ZNF564: variants seen among roughly 807,000 people sequenced by gnomAD.
The protein encoded by ZNF564 is zinc finger protein 564.
Under a neutral mutation model 10.5 loss-of-function variants are expected in ZNF564, and 5 were observed. The observed-to-expected ratio is 0.48, with a 90% CI of 0.25 to 1.00. The LOEUF (loss-of-function observed/expected upper bound fraction) is 1.00. Among genes scored for constraint, ZNF564 ranks in the 50% least tolerant of loss-of-function variants. The pLI is 0.16. For synonymous variants in ZNF564, 242 were observed against 218.1 expected, an observed-to-expected ratio of 1.11 and a Z score of -0.97; for missense variants, 603 against 669.7, an observed-to-expected ratio of 0.90 and a Z score of 1.10.
chr19:12,528,794 TG>T, intron 1 of ZNF564, 98 bp from the exon 2 acceptor site: 1 of 1,380,870 alleles, frequency 7.2e-7, no homozygotes, highest in Non-Finnish European at 9.8e-7. Context: ...CTAGGTGTGG[TG>T]GCTCATGCCT....
chr19:12,537,738 CAAAAAAAAA>C (rs56173239), intron 1 of ZNF564, among the ~76,000 whole-genome samples: 1 of 114,558 alleles, frequency 8.7e-6, no homozygotes, highest in African/African-American at 3.8e-5. Context: ...AACTCCGTCT[CAAAAAAAAA>C]AAAAAAGAAA....
chr19:12,535,534 A>G (rs2021890469), intron 1 of ZNF564, among the ~76,000 whole-genome samples: 1 of 152,182 alleles, frequency 6.6e-6, no homozygotes, highest in Non-Finnish European at 1.5e-5. Context: ...GGGCAGATGA[A>G]TGAATGTGTA....
At chr19:12,535,358 G>A (rs1568263789) in intron 1 of ZNF564, among the ~76,000 whole-genome samples, 2 of 152,162 alleles carry the variant, frequency 1.3e-5, no homozygotes, top group Admixed American at 1.3e-4. Flanking sequence ...GGGTGACAGA[G>A]TGAGACTCCG....
At chr19:12,550,049 T>C (rs1004700463) in intron 1 of ZNF564, among the ~76,000 whole-genome samples, 6 of 151,736 alleles carry the variant, frequency 4.0e-5, no homozygotes, top group African/African-American at 1.5e-4. Context: ...TCCCAGCACT[T>C]TGGGAGGCCG....
intron 1 of ZNF564, among the ~76,000 whole-genome samples, chr19:12,535,998 C>T (rs940793242): frequency 7.5e-6 from 1 of 133,328 alleles, no homozygotes; most frequent in Non-Finnish European, 1.6e-5. Flanking sequence ...GGCGACAGAG[C>T]GTGACTCCGT....
rs371041095 is a variant in ZNF564, at chr19:12,527,122, C to A, written c.986G>T (p.Arg329Ile). The A allele has an allele frequency of 1.9e-5, 30 of 1,613,924 alleles. No individual in the cohort carries two copies. Among genetic ancestry groups the A allele is most frequent in the Non-Finnish European group, 2.5e-5 (30 of 1,179,930 alleles). Residue 329 changes from arginine to isoleucine, a missense_variant, in exon 4 of 4, where the codon AGA (arginine) becomes ATA (isoleucine). Physicochemically the swap from Arg to Ile is moderately conservative, Grantham distance 97. Transcript: ENST00000339282. ...ATAGGGTTTCTCCCCAGTATGAGTT[C>A]TTTCATGCTTTCGAACATAACTGGG... ...IFPSYVRKHE[R>I]THTGEKPYEC...
At chr19:12,547,029 T>A (rs1351042105) in intron 1 of ZNF564, among the ~76,000 whole-genome samples, 1 of 152,108 alleles carries the variant, frequency 6.6e-6, no homozygotes, top group Non-Finnish European at 1.5e-5. Flanking sequence ...CTCCCACCTA[T>A]TCCTAATCTT....
chr19:12,540,600 A>G (rs1272946584), intron 1 of ZNF564, among the ~76,000 whole-genome samples: 2 of 152,158 alleles, frequency 1.3e-5, no homozygotes, highest in East Asian at 3.9e-4. Flanking sequence ...CATGCCTGTA[A>G]TCCCAGCACT....
intron 1 of ZNF564, among the ~76,000 whole-genome samples, chr19:12,534,233 A>G (rs1236122336): frequency 2.0e-5 from 3 of 152,234 alleles, no homozygotes; most frequent in African/African-American, 7.2e-5. Context: ...AATAAAAAGT[A>G]TATCGATTTA....
chr19:12,538,850 G>C (rs1214156122), intron 1 of ZNF564, among the ~76,000 whole-genome samples: 4 of 151,964 alleles, frequency 2.6e-5, no homozygotes. Context: ...AATGTTATTG[G>C]TTTGCCAATT....
intron 1 of ZNF564, among the ~76,000 whole-genome samples, chr19:12,534,401 TAA>T (rs1326796105): frequency 6.6e-6 from 1 of 152,170 alleles, no homozygotes; most frequent in African/African-American, 2.4e-5. Context: ...GGCTAAAATT[TAA>T]AACACTGAGA....
At chr19:12,527,960 A>G in intron 3 of ZNF564, 44 bp from the exon 4 acceptor site, 1 of 1,526,424 alleles carries the variant, frequency 6.6e-7, no homozygotes, top group Non-Finnish European at 8.8e-7. Context: ...GTGACTTTAT[A>G]TTTATTAATA....
intron 1 of ZNF564, among the ~76,000 whole-genome samples, chr19:12,532,326 G>C (rs1024418300): frequency 6.6e-6 from 1 of 151,376 alleles, no homozygotes; most frequent in Non-Finnish European, 1.5e-5. Context: ...ACGAGGTCAG[G>C]AGATTGAGAC....
chr19:12,547,559 T>A (rs2022177096), intron 1 of ZNF564, among the ~76,000 whole-genome samples: 1 of 152,176 alleles, frequency 6.6e-6, no homozygotes, highest in Non-Finnish European at 1.5e-5. Flanking sequence ...TATTACAACC[T>A]CAGACAGGGT....
intron 1 of ZNF564, chr19:12,541,402 T>G (rs1340923863): frequency 1.3e-5 from 2 of 151,618 alleles, no homozygotes; most frequent in Non-Finnish European, 2.9e-5. Context: ...ACAAAAAAAT[T>G]AGCTCGGCGT....
intron 1 of ZNF564, among the ~76,000 whole-genome samples, chr19:12,544,785 T>C (rs540960703): frequency 7.9e-5 from 12 of 152,236 alleles, no homozygotes; most frequent in South Asian, 6.2e-4. Flanking sequence ...CCTGGTTAGG[T>C]GTGTATATCA....
intron 1 of ZNF564, among the ~76,000 whole-genome samples, chr19:12,530,538 G>A (rs932387064): frequency 3.9e-5 from 6 of 152,170 alleles, no homozygotes; most frequent in African/African-American, 1.4e-4. Flanking sequence ...TGCTAACCTT[G>A]AGGAACAGGT....
intron 1 of ZNF564, among the ~76,000 whole-genome samples, chr19:12,545,567 G>A (rs574598607): frequency 2.0e-5 from 3 of 152,246 alleles, no homozygotes; most frequent in East Asian, 1.9e-4. Flanking sequence ...GTCACAAGCC[G>A]CAGGGCCACC....
rs1329364442 is a variant in ZNF564 at position 12,551,447 on chromosome 19, C to A, written c.-115G>T. On this transcript the variant is annotated 5_prime_UTR_variant, in exon 1 of 4. Transcript: ENST00000339282. ...CCGGGGCCACTGGAGAAGCGGAGAC[C>A]GGAACCCAAACGCAGCGGACACGAA... 1 of 1,435,946 alleles carries A rather than the reference C, an allele frequency of 7.0e-7. No homozygotes were observed. The highest frequency in any genetic ancestry group is 9.1e-7 in the Non-Finnish European group (1 of 1,093,406). 89.0% of individuals were successfully genotyped at this position (1,435,946 alleles called of 1,614,324 possible).
Sources: gnomAD v4.1 joint callset for allele counts (sites outside exome capture counted in the v4.1 genomes callset) on GRCh38, gnomAD v4.1.1 for gene constraint, MANE v1.5 for transcripts, NCBI Gene and HGNC (gene_info 2026-07-23, HGNC 2026-07-21) for gene names.